DLEC1: variants seen among roughly 807,000 people sequenced by gnomAD.
DLEC1 encodes deleted in lung and esophageal cancer protein 1.
In DLEC1, 146 loss-of-function variants were observed where a neutral mutation model predicts 198.1. That is an observed-to-expected ratio of 0.74 (90% CI 0.64 to 0.85). The LOEUF (loss-of-function observed/expected upper bound fraction) is 0.85, where lower values mean the gene tolerates loss of function less well. Ranked by LOEUF, DLEC1 falls within the 40% of genes least tolerant of loss-of-function variation. The probability of loss-of-function intolerance (pLI) is 0.00; values close to 1 mark genes in which losing one functional copy is unlikely to be tolerated. For missense variants in DLEC1, 2,233 were observed against 2,220.0 expected, an observed-to-expected ratio of 1.01 and a Z score of -0.12; for synonymous variants, 897 against 866.8, an observed-to-expected ratio of 1.03 and a Z score of -0.61.
At chr3:38,049,877 G>A (rs922760652) in intron 2 of DLEC1, among the ~76,000 whole-genome samples, 20 of 152,100 alleles carry the variant, frequency 1.3e-4, no homozygotes, top group African/African-American at 4.3e-4. Context: ...TGCTGTTACC[G>A]CCTGCTAAAG....
chr3:38,095,885 C>A lies in DLEC1; in HGVS notation c.2113-3C>A. On this transcript the variant is annotated splice_polypyrimidine_tract_variant and splice_region_variant and intron_variant, in intron 13 of 36. Transcript: ENST00000308059. ...TTTTCAGGGCACTGTGTTTGCCTTG[C>A]AGCTGAGGGATTTTCACAGTGTGCT... The A allele has an allele frequency of 6.2e-7, 1 of 1,613,854 alleles. No individual in the cohort carries two copies.
At chr3:38,071,331 T>C (rs1697304332) in intron 6 of DLEC1, among the ~76,000 whole-genome samples, 1 of 152,242 alleles carries the variant, frequency 6.6e-6, no homozygotes, top group Non-Finnish European at 1.5e-5. Flanking sequence ...TCAGCGCAAT[T>C]ACTTGCTTGG....
chr3:38,098,526 C>CG (rs1372295765), intron 18 of DLEC1, among the ~76,000 whole-genome samples: 1 of 152,140 alleles, frequency 6.6e-6, no homozygotes, highest in Non-Finnish European at 1.5e-5. Context: ...CGTACATCAC[C>CG]GCCCCTTCAC....
chr3:38,065,164 C>G (rs567841358), intron 6 of DLEC1, among the ~76,000 whole-genome samples: 18 of 152,378 alleles, frequency 1.2e-4, no homozygotes, highest in Middle Eastern at 6.8e-3. Context: ...CAGCGAAACC[C>G]CGTCTCCACC....
chr3:38,071,608 A>G (rs1697321363), intron 6 of DLEC1, among the ~76,000 whole-genome samples: 1 of 152,228 alleles, frequency 6.6e-6, no homozygotes, highest in Non-Finnish European at 1.5e-5. Context: ...TGAGGGACAG[A>G]AGTTGGAGAG....
Position 38,063,841 on chromosome 3 carries a change from T to C in DLEC1, c.1095T>C (p.Ser365=), listed in dbSNP as rs763399339. 10 of 1,613,200 alleles carry C rather than the reference T, an allele frequency of 6.2e-6. No individual in the cohort carries two copies. The South Asian group carries it at 8.8e-5, about 14-fold the overall frequency. Residue 365 remains serine (S), a splice_region_variant and synonymous_variant, in exon 6 of 37, where the codon AGT becomes AGC. Transcript: ENST00000308059. ...GEFQSTEPEQ[S]CADTPVFLAK... ...CTCCCCCTCTTTTTTCATCCCACAG[T>C]TGTGCTGATACTCCAGTGTTTCTAG... is the stretch of plus-strand genomic sequence containing the variant.
chr3:38,093,831 C>A, intron 12 of DLEC1, 64 bp downstream of exon 12: 1 of 1,589,362 alleles, frequency 6.3e-7, no homozygotes. Context: ...GCCCTCAGTC[C>A]CAGTGAGACA....
chr3:38,049,626 G>A (rs924364959), intron 2 of DLEC1, among the ~76,000 whole-genome samples: 2 of 152,176 alleles, frequency 1.3e-5, no homozygotes, highest in African/African-American at 4.8e-5. Context: ...ATGGTCACAA[G>A]GCCAGAGCAG....
At position 38,122,415 on chromosome 3, in the gene DLEC1, C is replaced by G; in HGVS notation, c.*3C>G. ...ACATGTTGCCTCACCAGCCCTGAGG[C>G]TCCGCCCCAGCCCTCAGCCCCAGGC... is the stretch of plus-strand genomic sequence containing the variant. On this transcript the variant is annotated 3_prime_UTR_variant, in exon 37 of 37. Coordinates refer to ENST00000308059, the MANE Select transcript of DLEC1 (RefSeq NM_007335.4). The G allele has an allele frequency of 6.2e-7, 1 of 1,614,156 alleles. No homozygotes were observed. Among genetic ancestry groups the G allele is most frequent in the Non-Finnish European group, 8.5e-7 (1 of 1,179,984 alleles).
chr3:38,042,072 A>G (rs1700684890), intron 1 of DLEC1, among the ~76,000 whole-genome samples: 1 of 151,860 alleles, frequency 6.6e-6, no homozygotes, highest in Admixed American at 6.6e-5. Flanking sequence ...GGCTCACTAC[A>G]ACTTCCGTCT....
In DLEC1 at chr3:38,086,359, GCC is replaced by G; in HGVS notation, c.1555_1556del (p.Pro519ThrfsTer14). ...RFCIMPKTSWPPLSFKAIATV... is the reference protein window; with the variant it reads ...RFCIMPKTSWXPLSFKAIATV... ...TCTGCATTATGCCCAAAACAAGCTGGCCACCACTAAGTTTCAAGGTGAGTGAT... is the reference window on the plus strand; with the variant it reads ...TCTGCATTATGCCCAAAACAAGCTGGACCACTAAGTTTCAAGGTGAGTGAT... On this transcript the variant is annotated frameshift_variant, in exon 9 of 37. Transcript: ENST00000308059. LOFTEE classifies it high-confidence loss of function. 1.2e-6 allele frequency: 2 copies of G among 1,609,494 alleles called. No individual in the cohort carries two copies. The highest frequency in any genetic ancestry group is 2.2e-5 in the South Asian group (2 of 90,006).
rs1366794985 is a variant in DLEC1, at chr3:38,117,579, A to C, written c.4453A>C (p.Ser1485Arg). 1 of 1,614,154 alleles carries C rather than the reference A, an allele frequency of 6.2e-7. No individual in the cohort carries two copies. The highest frequency in any genetic ancestry group is 8.5e-7 in the Non-Finnish European group (1 of 1,179,994). ...CAGTATGGAATTCCAGTGCCAGGCCAGTGACCTCATTCCCGAGCAGCCCTG... is the reference window on the plus strand; with the variant it reads ...CAGTATGGAATTCCAGTGCCAGGCCCGTGACCTCATTCCCGAGCAGCCCTG... Reference protein sequence around the residue: ...GGSMEFQCQASDLIPEQPCSG... With the variant: ...GGSMEFQCQARDLIPEQPCSG... The change falls in exon 32 of 37, where the codon AGT becomes CGT. Residue 1485 changes from serine (S) to arginine (R), a missense_variant. Transcript: ENST00000308059.
chr3:38,044,523 A>G (rs1700796105), intron 1 of DLEC1, among the ~76,000 whole-genome samples: 1 of 152,054 alleles, frequency 6.6e-6, no homozygotes, highest in African/African-American at 2.4e-5. Flanking sequence ...AGGCCATGCC[A>G]TTGCACTCCA....
At chr3:38,082,593 G>T (rs895345793) in intron 6 of DLEC1, among the ~76,000 whole-genome samples, 3 of 152,172 alleles carry the variant, frequency 2.0e-5, no homozygotes, top group African/African-American at 4.8e-5. Flanking sequence ...GGGATTGGGG[G>T]TTCTTGCCCC....
rs1244124357 is a variant in DLEC1, at chr3:38,079,430, C to T, written c.1174-4728C>T. Among the ~76,000 whole-genome samples the T allele has an allele frequency of 2.4e-4, 37 of 151,918 alleles. 1 individual carries two copies. The highest frequency in any genetic ancestry group is 2.3e-3 in the Admixed American group (35 of 15,266). On this transcript the variant is annotated intron_variant, in intron 6 of 36. Transcript: ENST00000308059. ...AAGGTAATGTGGAGTGGGTAGCCTC[C>T]GTATTGATTAAGAAGGGGACAGACT...
In DLEC1 at chr3:38,114,983, G is replaced by A; in HGVS notation, c.3786G>A (p.Arg1262=). The A allele has an allele frequency of 6.2e-7, 1 of 1,613,320 alleles. No homozygotes were observed. Among genetic ancestry groups the A allele is most frequent in the South Asian group, 1.1e-5 (1 of 90,810 alleles). ...IDQAQKEPAM[R]FGTQVSGGDT... is the part of the protein sequence containing the mutation. ...CTGAGTCCAGTCTGTCCCCCTCCAG[G>A]TTCGGCACCCAGGTCTCCGGAGGAG... Residue 1262 remains arginine, a splice_region_variant and synonymous_variant, in exon 27 of 37, where the codon AGG becomes AGA. Coordinates refer to ENST00000308059, the MANE Select transcript of DLEC1 (RefSeq NM_007335.4).
At chr3:38,093,902 A>C (rs2125691840) in intron 12 of DLEC1, 135 bp downstream of exon 12, 2 of 1,172,876 alleles carry the variant, frequency 1.7e-6, no homozygotes, top group East Asian at 4.7e-5. Flanking sequence ...AATTCAATTG[A>C]GGGATCCAGA....
At chr3:38,078,541 AG>A (rs1697767959) in intron 6 of DLEC1, among the ~76,000 whole-genome samples, 1 of 152,192 alleles carries the variant, frequency 6.6e-6, no homozygotes, top group Non-Finnish European at 1.5e-5. Flanking sequence ...CACAATCAGC[AG>A]GGAGAGCACG....
chr3:38,061,209 C>T (rs932394212), intron 3 of DLEC1, among the ~76,000 whole-genome samples: 31 of 152,062 alleles, frequency 2.0e-4, no homozygotes, highest in African/African-American at 5.8e-4. Flanking sequence ...GACAGAGTCT[C>T]GCTTTGTCAC....
Sources: allele counts gnomAD v4.1 joint callset (sites outside exome capture counted in the v4.1 genomes callset), GRCh38; gene constraint gnomAD v4.1.1; transcripts MANE v1.5; gene names NCBI Gene and HGNC (gene_info 2026-07-23, HGNC 2026-07-21).